RBFOX1: variants seen among roughly 807,000 people sequenced by gnomAD.
RBFOX1 encodes RNA binding protein fox-1 homolog 1.
Under a neutral mutation model 57.7 loss-of-function variants are expected in RBFOX1, and 8 were observed. That is an observed-to-expected ratio of 0.14 (90% CI 0.08 to 0.25). RBFOX1 has a LOEUF of 0.25. RBFOX1 is among the 10% of genes least tolerant of loss of function. RBFOX1 has a pLI of 1.00. For synonymous variants in RBFOX1, 326 were observed against 222.4 expected (o/e 1.47, Z -4.15); for missense variants, 611 against 548.5 (o/e 1.11, Z -1.14).
At chr16:7,475,059 G>A (rs569688551) in intron 4 of RBFOX1, among the ~76,000 whole-genome samples, 1 of 152,310 alleles carries the variant, frequency 6.6e-6, no homozygotes, top group East Asian at 1.9e-4. Flanking sequence ...CACCAAATCA[G>A]AGAGTCTTTG....
chr16:5,424,781 T>G (rs1255549365), intron 1 of RBFOX1, among the ~76,000 whole-genome samples: 1 of 152,034 alleles, frequency 6.6e-6, no homozygotes, highest in Non-Finnish European at 1.5e-5. Context: ...CCCAGGTAAG[T>G]AGGAAGTCCA....
chr16:5,918,317 A>C (rs1306517114), intron 4 of RBFOX1, among the ~76,000 whole-genome samples: 1 of 152,096 alleles, frequency 6.6e-6, no homozygotes, highest in African/African-American at 2.4e-5. Context: ...ACGGGGTTTC[A>C]CCATGTTGGC....
At position 5,933,096 on chromosome 16, in the gene RBFOX1, G is replaced by A. The variant is rs2059099302; in HGVS notation, c.351+65761G>A. Among the ~76,000 whole-genome samples, 3 of 152,260 alleles carry A rather than the reference G, an allele frequency of 2.0e-5. No homozygotes were observed. The South Asian group carries it at 6.2e-4, about 32-fold the overall frequency. ...CAAACAGCTCTGGAAACTCACATCA[G>A]GAAAATTACTTCTTCTTCAAATGGA... is the stretch of plus-strand genomic sequence containing the variant. On this transcript the variant is annotated intron_variant, in intron 4 of 19. Coordinates refer to the RBFOX1 transcript ENST00000641259.
chr16:7,427,924 G>C (rs925153511), intron 4 of RBFOX1, among the ~76,000 whole-genome samples: 1 of 152,168 alleles, frequency 6.6e-6, no homozygotes, highest in Non-Finnish European at 1.5e-5. Context: ...AAAGTGCTCA[G>C]CCACCATGCA....
At chr16:5,658,993 A>G (rs556766399) in intron 3 of RBFOX1, among the ~76,000 whole-genome samples, 3 of 151,964 alleles carry the variant, frequency 2.0e-5, no homozygotes, top group Admixed American at 6.6e-5. Flanking sequence ...ATGAGCAATT[A>G]TCTTTTTTGC....
chr16:7,073,906 A>T (rs1567161570), intron 4 of RBFOX1, among the ~76,000 whole-genome samples: 1 of 146,608 alleles, frequency 6.8e-6, no homozygotes, highest in Non-Finnish European at 1.5e-5. Context: ...AGAAAAAAAA[A>T]TTGACTGACA....
chr16:7,140,783 C>A (rs1399543395), intron 4 of RBFOX1, among the ~76,000 whole-genome samples: 1 of 152,120 alleles, frequency 6.6e-6, no homozygotes, highest in Non-Finnish European at 1.5e-5. Context: ...GTTAAACTTT[C>A]CAGGATGTTT....
At chr16:7,356,722 T>C (rs983442880) in intron 4 of RBFOX1, among the ~76,000 whole-genome samples, 2 of 152,330 alleles carry the variant, frequency 1.3e-5, no homozygotes, top group Non-Finnish European at 2.9e-5. Flanking sequence ...ATAAGACAAA[T>C]ACGTTAAAGA....
At chr16:7,222,736 T>C (rs2092821719) in intron 4 of RBFOX1, among the ~76,000 whole-genome samples, 1 of 152,234 alleles carries the variant, frequency 6.6e-6, no homozygotes, top group Non-Finnish European at 1.5e-5. Flanking sequence ...GACACACATA[T>C]GTATTCTACA....
chr16:5,867,972 A>G (rs1210502301), intron 4 of RBFOX1, among the ~76,000 whole-genome samples: 1 of 152,134 alleles, frequency 6.6e-6, no homozygotes, highest in Admixed American at 6.5e-5. Flanking sequence ...TCAGCCTCCT[A>G]AAATGCAGGG....
chr16:6,595,932 T>C (rs536989149), intron 2 of RBFOX1, among the ~76,000 whole-genome samples: 84 of 152,308 alleles, frequency 5.5e-4, no homozygotes, highest in African/African-American at 1.9e-3. Context: ...TAAGTTTTAT[T>C]GTTGGAAACT....
chr16:6,106,292 T>C (rs1045203560), intron 1 of RBFOX1, among the ~76,000 whole-genome samples: 4 of 94,236 alleles, frequency 4.2e-5, no homozygotes, highest in Non-Finnish European at 8.3e-5. Flanking sequence ...ACCCCATCTC[T>C]AGTAAAAATA....
chr16:5,330,254 C>T (rs2064713513), intron 1 of RBFOX1, among the ~76,000 whole-genome samples: 1 of 152,166 alleles, frequency 6.6e-6, no homozygotes, highest in Non-Finnish European at 1.5e-5. Flanking sequence ...GATGCAAACT[C>T]AGCGAATCTA....
At chr16:5,958,913 C>T (rs946923764) in intron 4 of RBFOX1, among the ~76,000 whole-genome samples, 1 of 152,184 alleles carries the variant, frequency 6.6e-6, no homozygotes, top group African/African-American at 2.4e-5. Flanking sequence ...CCTGATAGTC[C>T]AGGATAACCT....
At chr16:5,666,171 G>C (rs909593415) in intron 3 of RBFOX1, among the ~76,000 whole-genome samples, 1 of 152,226 alleles carries the variant, frequency 6.6e-6, no homozygotes, top group Non-Finnish European at 1.5e-5. Flanking sequence ...ATCCATCATG[G>C]ATACGGAGGC....
At chr16:7,401,850 A>G (rs1426714000) in intron 4 of RBFOX1, among the ~76,000 whole-genome samples, 2 of 152,198 alleles carry the variant, frequency 1.3e-5, no homozygotes, top group Non-Finnish European at 2.9e-5. Context: ...TCCAAATTGC[A>G]TAAAGGAAAC....
chr16:6,650,022 G>C (rs1037215669), intron 2 of RBFOX1, among the ~76,000 whole-genome samples: 7 of 152,172 alleles, frequency 4.6e-5, no homozygotes, highest in Non-Finnish European at 8.8e-5. Flanking sequence ...TAATGCTGCA[G>C]TGAAGAAGGA....
intron 4 of RBFOX1, among the ~76,000 whole-genome samples, chr16:5,878,297 A>G (rs780824818): frequency 8.5e-5 from 13 of 152,200 alleles, no homozygotes; most frequent in Non-Finnish European, 1.5e-4. Context: ...TGCTCACTGT[A>G]TGCTAGGCAC....
At chr16:7,046,556 T>G (rs1014876904) in intron 3 of RBFOX1, among the ~76,000 whole-genome samples, 2 of 145,756 alleles carry the variant, frequency 1.4e-5, no homozygotes, top group South Asian at 2.2e-4. Flanking sequence ...GATAATAAAG[T>G]TTATCACCAC....
Sources: gnomAD v4.1 joint callset for allele counts (sites outside exome capture counted in the v4.1 genomes callset) on GRCh38, gnomAD v4.1.1 for gene constraint, MANE v1.5 for transcripts, NCBI Gene and HGNC (gene_info 2026-07-23, HGNC 2026-07-21) for gene names.